ULK4: variants seen among roughly 807,000 people sequenced by gnomAD.
ULK4 encodes the protein inactive serine/threonine-protein kinase ULK4.
Under a neutral mutation model 160.6 loss-of-function variants are expected in ULK4, and 133 were observed. The ratio of observed to expected loss-of-function variants is 0.83; its 90% CI spans 0.72 to 0.96. The LOEUF (loss-of-function observed/expected upper bound fraction) is 0.96, where lower values mean the gene tolerates loss of function less well. Among genes scored for constraint, ULK4 ranks in the 40% least tolerant of loss-of-function variants. The pLI, the probability that ULK4 is intolerant of heterozygous loss-of-function variation, is 0.00. For missense variants in ULK4, 1,580 were observed against 1,499.5 expected (o/e 1.05, Z -0.89); for synonymous variants, 534 against 539.8 (o/e 0.99, Z 0.15).
rs74636718 is a variant in ULK4 at position 41,393,024 on chromosome 3, T to C, written c.3678+5055A>G. On this transcript the variant is annotated intron_variant, in intron 35 of 36. Coordinates refer to ENST00000301831, the MANE Select transcript of ULK4 (RefSeq NM_017886.4). ...AGTCTTCAGAAACTTGGCAGGGCTG[T>C]GTGGAGAAGACTGAAGCTTCAGACT... 9.3e-3 allele frequency among the ~76,000 whole-genome samples: 1,412 copies of C among 152,276 alleles called. 9 individuals are homozygous for C. Among genetic ancestry groups the C allele is most frequent in the African/African-American group, 0.024 (984 of 41,578 alleles).
intron 31 of ULK4, among the ~76,000 whole-genome samples, chr3:41,567,868 G>A (rs1399538410): frequency 6.6e-6 from 1 of 152,154 alleles, no homozygotes; most frequent in Non-Finnish European, 1.5e-5. Context: ...TTATAGAAGA[G>A]TTTCAAAGAT....
At chr3:41,885,607 A>G (rs527601223) in intron 16 of ULK4, among the ~76,000 whole-genome samples, 7 of 152,332 alleles carry the variant, frequency 4.6e-5, no homozygotes, top group Middle Eastern at 6.8e-3. Flanking sequence ...GCACTGCTCA[A>G]TATAGTATCC....
At chr3:41,706,638 G>T (rs757157384) in intron 25 of ULK4, among the ~76,000 whole-genome samples, 3 of 150,340 alleles carry the variant, frequency 2.0e-5, no homozygotes, top group Non-Finnish European at 3.0e-5. Flanking sequence ...GACCAGCCTG[G>T]CCAACACGGT....
At chr3:41,882,021 GAGGCCA>G (rs1559626658) in intron 17 of ULK4, 1 of 577,258 alleles carries the variant, frequency 1.7e-6, no homozygotes, top group Non-Finnish European at 3.1e-6. Context: ...CCAGTAGAAT[GAGGCCA>G]TCACATCACC....
chr3:41,643,239 T>C (rs548192815), intron 30 of ULK4, among the ~76,000 whole-genome samples: 22 of 152,282 alleles, frequency 1.4e-4, no homozygotes, highest in African/African-American at 5.1e-4. Flanking sequence ...CCATTGCTTT[T>C]GGTGTTTTAG....
rs2087769671 is a variant in ULK4 at position 41,566,029 on chromosome 3, T to C, written c.3222A>G (p.Glu1074=). Reference sequence around the variant, plus strand: ...GTAATTCTATGAGGCATTTACCTTGTTCATAAAGTAGTTCCATATTCGAAT... The same window carrying C: ...GTAATTCTATGAGGCATTTACCTTGCTCATAAAGTAGTTCCATATTCGAAT... The part of the protein sequence containing the change: ...CKDSNMELLY[E]QGLVSHICNL... Residue 1074 remains glutamate, a synonymous_variant, in exon 32 of 37, where the codon GAA becomes GAG. Coordinates refer to ENST00000301831, the MANE Select transcript of ULK4 (RefSeq NM_017886.4). The C allele has an allele frequency of 1.2e-6, 2 of 1,612,774 alleles. No homozygotes were observed. The highest frequency in any genetic ancestry group is 8.5e-7 in the Non-Finnish European group (1 of 1,179,190).
chr3:41,629,632 TAC>T (rs2033668221), intron 30 of ULK4, among the ~76,000 whole-genome samples: 1 of 152,156 alleles, frequency 6.6e-6, no homozygotes, highest in Admixed American at 6.5e-5. Flanking sequence ...GAAATATTAT[TAC>T]AGACATTTTT....
chr3:41,375,607 T>A (rs1483539923), intron 35 of ULK4, among the ~76,000 whole-genome samples: 1 of 150,294 alleles, frequency 6.7e-6, no homozygotes, highest in Non-Finnish European at 1.5e-5. Flanking sequence ...ACCCCTTCCC[T>A]ACACCTTATA....
chr3:41,258,678 C>T (rs1421712527), intron 35 of ULK4, among the ~76,000 whole-genome samples: 1 of 152,154 alleles, frequency 6.6e-6, no homozygotes, highest in Non-Finnish European at 1.5e-5. Flanking sequence ...AAAGTCATGC[C>T]TGCCTCACAT....
At chr3:41,432,897 A>T (rs2082947174) in intron 34 of ULK4, among the ~76,000 whole-genome samples, 1 of 152,164 alleles carries the variant, frequency 6.6e-6, no homozygotes, top group South Asian at 2.1e-4. Flanking sequence ...GTTTAAAAAA[A>T]AAAACCATGG....
intron 32 of ULK4, among the ~76,000 whole-genome samples, chr3:41,533,243 G>C (rs888022674): frequency 6.6e-6 from 1 of 152,150 alleles, no homozygotes; most frequent in Non-Finnish European, 1.5e-5. Flanking sequence ...GAGCAAATAT[G>C]TGTTATTTTA....
intron 30 of ULK4, among the ~76,000 whole-genome samples, chr3:41,616,386 G>A (rs1025476026): frequency 5.9e-5 from 9 of 152,196 alleles, no homozygotes; most frequent in African/African-American, 2.2e-4. Flanking sequence ...CTGGTCTGCA[G>A]CTCCCAGCAA....
chr3:41,552,752 T>G (rs916761305), intron 32 of ULK4, among the ~76,000 whole-genome samples: 1 of 151,862 alleles, frequency 6.6e-6, no homozygotes, highest in Non-Finnish European at 1.5e-5. Flanking sequence ...AATCCTTAAA[T>G]TCATATGGAA....
At chr3:41,495,787 T>C (rs1353648526) in intron 32 of ULK4, among the ~76,000 whole-genome samples, 1 of 151,600 alleles carries the variant, frequency 6.6e-6, no homozygotes, top group East Asian at 1.9e-4. Flanking sequence ...CAGACACTTC[T>C]CAAAAGAAGA....
At chr3:41,590,461 CAAAAAAAAAAAAA>C (rs71075479) in intron 31 of ULK4, among the ~76,000 whole-genome samples, 2 of 56,916 alleles carry the variant, frequency 3.5e-5, no homozygotes, top group Non-Finnish European at 6.4e-5. Flanking sequence ...ACTAAAAATA[CAAAAAAAAAAAAA>C]AAAAAAAAAA....
intron 32 of ULK4, among the ~76,000 whole-genome samples, chr3:41,513,999 A>T (rs2085670569): frequency 1.3e-5 from 2 of 152,218 alleles, no homozygotes; most frequent in Non-Finnish European, 2.9e-5. Flanking sequence ...GATAAAAAAG[A>T]ATGCCCTTTT....
chr3:41,534,341 C>T (rs1169146642), intron 32 of ULK4, among the ~76,000 whole-genome samples: 1 of 152,226 alleles, frequency 6.6e-6, no homozygotes, highest in East Asian at 1.9e-4. Context: ...TCTGACAGTG[C>T]TGCTGGTAAA....
chr3:41,943,572 C>T (rs1438489338), intron 2 of ULK4, among the ~76,000 whole-genome samples: 2 of 152,158 alleles, frequency 1.3e-5, no homozygotes, highest in Admixed American at 6.6e-5. Context: ...TGGCCCAAGA[C>T]AACCTGCTTT....
chr3:41,882,694 C>T (rs11713451), intron 17 of ULK4, among the ~76,000 whole-genome samples: 189 of 152,316 alleles, frequency 1.2e-3, no homozygotes, highest in Non-Finnish European at 2.2e-3. Flanking sequence ...CTTCACAGCT[C>T]CTGAGCAACC....
Sources: allele counts gnomAD v4.1 joint callset (sites outside exome capture counted in the v4.1 genomes callset), GRCh38; gene constraint gnomAD v4.1.1; transcripts MANE v1.5; gene names NCBI Gene and HGNC (gene_info 2026-07-23, HGNC 2026-07-21).